The following PLPPR1 variants were observed in gnomAD, a reference collection of about 807,000 sequenced individuals.
PLPPR1 encodes phospholipid phosphatase-related protein type 1.
In PLPPR1, 10 loss-of-function variants were observed where a neutral mutation model predicts 33.1. The observed-to-expected ratio is 0.30, with a 90% CI of 0.19 to 0.51. PLPPR1 has a LOEUF of 0.51. Ranked by LOEUF, PLPPR1 falls within the 20% of genes least tolerant of loss-of-function variation. The probability of loss-of-function intolerance (pLI) is 0.97; values close to 1 mark genes in which losing one functional copy is unlikely to be tolerated. For synonymous variants in PLPPR1, 151 were observed against 151.0 expected (o/e 1.00, Z 0.00); for missense variants, 304 against 408.1 (o/e 0.74, Z 2.20).
chr9:101,274,400 T>C (rs993989956), intron 3 of PLPPR1, among the ~76,000 whole-genome samples: 6 of 152,112 alleles, frequency 3.9e-5, no homozygotes, highest in Admixed American at 2.6e-4. Flanking sequence ...CTGTACATGA[T>C]TAGACAGCCA....
Position 101,144,221 on chromosome 9 carries a change from A to G in PLPPR1, c.-45-41229A>G, listed in dbSNP as rs534917503. ...CATAGGTGGGAATTGAACAAAGAGAACACCTGGATACAGGGTGGGGAACAT... is the reference window on the plus strand; with the variant it reads ...CATAGGTGGGAATTGAACAAAGAGAGCACCTGGATACAGGGTGGGGAACAT... On this transcript the variant is annotated intron_variant, in intron 1 of 7. Coordinates refer to ENST00000374874, the MANE Select transcript of PLPPR1 (RefSeq NM_207299.2). Among the ~76,000 whole-genome samples, 5 of 152,006 alleles carry G rather than the reference A, an allele frequency of 3.3e-5. No homozygotes were observed. In the South Asian group the frequency reaches 1.0e-3, roughly 32 times the overall value.
chr9:101,320,733 A>T (rs1040531025), intron 7 of PLPPR1, among the ~76,000 whole-genome samples: 1 of 152,212 alleles, frequency 6.6e-6, no homozygotes, highest in African/African-American at 2.4e-5. Flanking sequence ...AAGAAAAGAG[A>T]ACTAGCATTT....
At chr9:101,115,688 A>G (rs1358755645) in intron 1 of PLPPR1, among the ~76,000 whole-genome samples, 1 of 152,226 alleles carries the variant, frequency 6.6e-6, no homozygotes, top group Non-Finnish European at 1.5e-5. Flanking sequence ...TTATGCCTTT[A>G]TCATATTACT....
chr9:101,246,254 C>A (rs956665885), intron 2 of PLPPR1, among the ~76,000 whole-genome samples: 4 of 151,402 alleles, frequency 2.6e-5, no homozygotes, highest in Admixed American at 2.6e-4. Context: ...ACTTCTTACC[C>A]ACCCTAAGAA....
intron 2 of PLPPR1, among the ~76,000 whole-genome samples, chr9:101,227,807 C>CACT (rs978405861): frequency 2.0e-5 from 3 of 152,120 alleles, no homozygotes; most frequent in African/African-American, 7.2e-5. Flanking sequence ...GATGGAGTCT[C>CACT]ACTCTTTTGC....
intron 2 of PLPPR1, among the ~76,000 whole-genome samples, chr9:101,201,841 C>T (rs1230972044): frequency 1.3e-5 from 2 of 152,152 alleles, no homozygotes; most frequent in Non-Finnish European, 1.5e-5. Flanking sequence ...GTGTGGTGAA[C>T]GTCTGTGACC....
chr9:101,202,658 A>G (rs1826515003), intron 2 of PLPPR1, among the ~76,000 whole-genome samples: 1 of 152,252 alleles, frequency 6.6e-6, no homozygotes, highest in African/African-American at 2.4e-5. Flanking sequence ...AAGCTGATAC[A>G]GGGTGCATTA....
intron 1 of PLPPR1, among the ~76,000 whole-genome samples, chr9:101,140,094 G>C (rs745630752): frequency 1.3e-5 from 2 of 152,202 alleles, no homozygotes; most frequent in Non-Finnish European, 2.9e-5. Context: ...GATAGTATGA[G>C]TACAAAAGGA....
intron 1 of PLPPR1, among the ~76,000 whole-genome samples, chr9:101,041,931 C>A (rs1363051280): frequency 6.6e-6 from 1 of 152,022 alleles, no homozygotes; most frequent in Admixed American, 6.6e-5. Flanking sequence ...GAAAGTTTAA[C>A]CATGTTAAAA....
intron 2 of PLPPR1, among the ~76,000 whole-genome samples, chr9:101,266,621 T>G (rs1015318510): frequency 6.6e-6 from 1 of 152,114 alleles, no homozygotes; most frequent in Non-Finnish European, 1.5e-5. Context: ...TTTATAAACT[T>G]TTAATTTATC....
chr9:101,309,132 C>T (rs1337029649), intron 4 of PLPPR1, 79 bp from the exon 5 acceptor site: 21 of 1,442,370 alleles, frequency 1.5e-5, no homozygotes, highest in Non-Finnish European at 1.9e-6. Context: ...CATGGACTCT[C>T]ACCGCTGTTT....
At chr9:101,303,850 G>A (rs1828797522) in intron 4 of PLPPR1, among the ~76,000 whole-genome samples, 1 of 152,114 alleles carries the variant, frequency 6.6e-6, no homozygotes, top group Non-Finnish European at 1.5e-5. Context: ...TGTTAATACT[G>A]AAACTGACAA....
chr9:101,305,294 G>A (rs771422039), intron 4 of PLPPR1, among the ~76,000 whole-genome samples: 4 of 152,086 alleles, frequency 2.6e-5, no homozygotes, highest in African/African-American at 7.2e-5. Flanking sequence ...CCATATGAAG[G>A]TTATCAACAG....
intron 1 of PLPPR1, among the ~76,000 whole-genome samples, chr9:101,179,968 C>T (rs1334247636): frequency 2.0e-5 from 3 of 151,324 alleles, no homozygotes; most frequent in Non-Finnish European, 2.9e-5. Flanking sequence ...TGCTTCCTGC[C>T]TTCAAACATC....
At chr9:101,155,045 G>T (rs1170198067) in intron 1 of PLPPR1, among the ~76,000 whole-genome samples, 1 of 151,766 alleles carries the variant, frequency 6.6e-6, no homozygotes, top group Non-Finnish European at 1.5e-5. Flanking sequence ...CACCAACATG[G>T]CACATGTATA....
chr9:101,247,256 A>G, intron 2 of PLPPR1, among the ~76,000 whole-genome samples: 1 of 152,012 alleles, frequency 6.6e-6, no homozygotes, highest in East Asian at 2.0e-4. Context: ...GCTTTAAGAC[A>G]ACTGGATTCA....
chr9:101,146,191 G>C (rs1472473698), intron 1 of PLPPR1, among the ~76,000 whole-genome samples: 4 of 152,126 alleles, frequency 2.6e-5, no homozygotes, highest in Non-Finnish European at 5.9e-5. Flanking sequence ...ACTATAGTTT[G>C]TTTGCTACTG....
At chr9:101,250,384 G>A (rs542623555) in intron 2 of PLPPR1, among the ~76,000 whole-genome samples, 11 of 152,150 alleles carry the variant, frequency 7.2e-5, no homozygotes, top group African/African-American at 2.6e-4. Context: ...GTTGCTCTAT[G>A]AATTCCAAAA....
intron 1 of PLPPR1, among the ~76,000 whole-genome samples, chr9:101,161,497 C>A (rs1831772356): frequency 6.6e-6 from 1 of 152,032 alleles, no homozygotes; most frequent in African/African-American, 2.4e-5. Context: ...TGCACTAAGG[C>A]TTACTTGTCT....
Sources: allele counts gnomAD v4.1 joint callset (sites outside exome capture counted in the v4.1 genomes callset), GRCh38; gene constraint gnomAD v4.1.1; transcripts MANE v1.5; gene names NCBI Gene and HGNC (gene_info 2026-07-23, HGNC 2026-07-21).